Variants in ZNF71 observed in about 807,000 individuals in gnomAD.
ZNF71 encodes the protein endothelial zinc finger protein induced by tumor necrosis factor alpha.
In ZNF71, 3 loss-of-function variants were observed where a neutral mutation model predicts 6.7. That is an observed-to-expected ratio of 0.45 (90% CI 0.20 to 1.16). ZNF71 has a LOEUF of 1.16. ZNF71 is among the 50% of genes most tolerant of loss of function. The probability of loss-of-function intolerance (pLI) is 0.25; values close to 1 mark genes in which losing one functional copy is unlikely to be tolerated. For synonymous variants in ZNF71, 343 were observed against 311.1 expected, an observed-to-expected ratio of 1.10 and a Z score of -1.08; for missense variants, 688 against 728.6, an observed-to-expected ratio of 0.94 and a Z score of 0.64.
Position 56,622,800 on chromosome 19 carries a change from C to A in ZNF71, c.*43C>A. 6.5e-7 allele frequency: 1 copy of A among 1,548,698 alleles called. No individual in the cohort carries two copies. The highest frequency in any genetic ancestry group is 1.2e-5 in the South Asian group (1 of 80,454). On this transcript the variant is annotated 3_prime_UTR_variant, in exon 4 of 4. Transcript: ENST00000599599. Reference sequence around the variant, plus strand: ...TCTCACTGGCGGTGCCCAGGACGGACGCCAGATGGCTGCGCGCTTTGTCAG... The same window carrying A: ...TCTCACTGGCGGTGCCCAGGACGGAAGCCAGATGGCTGCGCGCTTTGTCAG...
intron 2 of ZNF71, among the ~76,000 whole-genome samples, chr19:56,608,205 C>T (rs988002356): frequency 2.0e-5 from 3 of 152,206 alleles, no homozygotes; most frequent in Admixed American, 2.0e-4. Flanking sequence ...TAATGTGCAG[C>T]GCCACCACCA....
At chr19:56,616,470 C>T (rs1283934855) in intron 3 of ZNF71, among the ~76,000 whole-genome samples, 3 of 152,188 alleles carry the variant, frequency 2.0e-5, no homozygotes, top group African/African-American at 7.2e-5. Flanking sequence ...ATGACATTCT[C>T]CTCAAGATCA....
At position 56,613,415 on chromosome 19, in the gene ZNF71, C is replaced by T. The variant is rs543101189; in HGVS notation, c.34-397C>T. Among the ~76,000 whole-genome samples the T allele has an allele frequency of 6.6e-6, 1 of 152,330 alleles. No individual in the cohort carries two copies. Among genetic ancestry groups the T allele is most frequent in the East Asian group, 1.9e-4 (1 of 5,176 alleles). ...AACATTTTGTGTCTGTATCCCAGCA[C>T]TGGGCTTGCTGCCTGGTGCTTAGTA... On this transcript the variant is annotated intron_variant, in intron 2 of 3. Transcript: ENST00000599599. The surrounding 1 kb of genome is among the most constrained non-coding windows in gnomAD (Gnocchi z 4.6).
intron 3 of ZNF71, among the ~76,000 whole-genome samples, chr19:56,619,382 G>A (rs10414483): frequency 0.72 from 108,763 of 151,564 alleles, 39,388 homozygotes; most frequent in East Asian, 0.99. Context: ...CGACCTCCAG[G>A]TACCGCAGAT....
intron 3 of ZNF71, among the ~76,000 whole-genome samples, chr19:56,619,491 AGTCT>A (rs1424768948): frequency 6.6e-6 from 1 of 152,224 alleles, no homozygotes; most frequent in Non-Finnish European, 1.5e-5. Context: ...TCATGGGGAA[AGTCT>A]GAAATCCCAA....
At chr19:56,600,092 G>GTT (rs1568503280) in intron 1 of ZNF71, among the ~76,000 whole-genome samples, 11 of 112,958 alleles carry the variant, frequency 9.7e-5, no homozygotes, top group African/African-American at 4.2e-4. Context: ...TTTTTTTGGG[G>GTT]TTTGTTTTTT....
Position 56,613,789 on chromosome 19 carries a change from C to T in ZNF71, c.34-23C>T, listed in dbSNP as rs893561769. 3.4e-5 allele frequency: 37 copies of T among 1,085,176 alleles called. No homozygotes were observed. Among genetic ancestry groups the T allele is most frequent in the East Asian group, 3.0e-4 (4 of 13,312 alleles). 67.2% of individuals were successfully genotyped at this position (1,085,176 alleles called of 1,614,324 possible). A position where few individuals can be genotyped will look rare whatever the true frequency, so the allele number is the denominator to read the frequency against. The stretch of plus-strand genomic sequence containing the variant: ...TCTGTAAGGAGGGCCCTGCGATGAG[C>T]GGATGTGGGTTTCCTCTTACAGGAA... On this transcript the variant is annotated intron_variant, in intron 2 of 3. Coordinates refer to ENST00000599599, the MANE Select transcript of ZNF71 (RefSeq NM_001370215.1). This position sits in a 1 kb window ranked among gnomAD's most constrained non-coding sequence, Gnocchi z 4.6.
rs2044860631 is a variant in ZNF71 at position 56,622,179 on chromosome 19, T to G, written c.1072T>G (p.Tyr358Asp). ...HQRTHTGEKP[Y>D]ACKECGKAFN... is the part of the protein sequence containing the mutation. Reference sequence around the variant, plus strand: ...GCGCACGCACACCGGGGAGAAGCCGTACGCCTGCAAGGAGTGCGGCAAGGC... The same window carrying G: ...GCGCACGCACACCGGGGAGAAGCCGGACGCCTGCAAGGAGTGCGGCAAGGC... Residue 358 changes from tyrosine (Y) to aspartate (D), a missense_variant, in exon 4 of 4, where the codon TAC (tyrosine) becomes GAC (aspartate). By Grantham distance (160) the Tyr-to-Asp change is radical (BLOSUM62 -3). Coordinates refer to ENST00000599599, the MANE Select transcript of ZNF71 (RefSeq NM_001370215.1). The G allele has an allele frequency of 6.2e-7, 1 of 1,613,670 alleles. No homozygotes were observed. The highest frequency in any genetic ancestry group is 1.3e-5 in the African/African-American group (1 of 74,826).
At chr19:56,597,588 C>T (rs983984771) in intron 1 of ZNF71, among the ~76,000 whole-genome samples, 3 of 152,244 alleles carry the variant, frequency 2.0e-5, no homozygotes, top group Admixed American at 1.3e-4. Flanking sequence ...TTGCTTTTCT[C>T]ACTTAGTGAA....
chr19:56,621,484 A>C lies in ZNF71; in HGVS notation c.377A>C (p.Lys126Thr). Reference sequence around the variant, plus strand: ...CCATTGGGAATTCCCCAGGGGAACAAACTCTTAGGGGGCTCAGTACCCGCA... The same window carrying C: ...CCATTGGGAATTCCCCAGGGGAACACACTCTTAGGGGGCTCAGTACCCGCA... ...WEPLGIPQGN[K>T]LLGGSVPACH... Residue 126 changes from lysine (K) to threonine (T), a missense_variant, in exon 4 of 4, where the codon AAA becomes ACA. Transcript: ENST00000599599. 4 of 1,614,026 alleles carry C rather than the reference A, an allele frequency of 2.5e-6. No homozygotes were observed. Among genetic ancestry groups the C allele is most frequent in the Non-Finnish European group, 3.4e-6 (4 of 1,179,974 alleles).
chr19:56,609,313 T>C (rs1317705626), intron 2 of ZNF71, among the ~76,000 whole-genome samples: 1 of 152,142 alleles, frequency 6.6e-6, no homozygotes, highest in Non-Finnish European at 1.5e-5. Context: ...GTAAAATCCA[T>C]CCATATAAAG....
At position 56,622,983 on chromosome 19, in the gene ZNF71, A is replaced by G. The variant is rs1172094538; in HGVS notation, c.*226A>G. 1.8e-5 allele frequency: 11 copies of G among 615,742 alleles called. No individual in the cohort carries two copies. The highest frequency in any genetic ancestry group is 2.9e-5 in the Non-Finnish European group (10 of 350,042). 38.1% of individuals were successfully genotyped at this position (615,742 alleles called of 1,614,324 possible). A position where few individuals can be genotyped will look rare whatever the true frequency, so the allele number is the denominator to read the frequency against. ...GTCTGACGTATCTGGGGACACTTCA[A>G]GGTTCACTGTAGCTGAGCCATGGCC... On this transcript the variant is annotated 3_prime_UTR_variant, in exon 4 of 4. Coordinates refer to ENST00000599599, the MANE Select transcript of ZNF71 (RefSeq NM_001370215.1).
rs1057373885 is a variant in ZNF71, at chr19:56,603,635, A to C, written c.33+2044A>C. On this transcript the variant is annotated intron_variant, in intron 2 of 3. Transcript: ENST00000599599. The surrounding 1 kb of genome is among the most constrained non-coding windows in gnomAD (Gnocchi z 4.6). ...ACTCTGTTGAACCAGTAAAGGAACCACCAGACTGTTTTCCTAAGCGATTGC... is the reference window on the plus strand; with the variant it reads ...ACTCTGTTGAACCAGTAAAGGAACCCCCAGACTGTTTTCCTAAGCGATTGC... Among the ~76,000 whole-genome samples the C allele has an allele frequency of 6.6e-6, 1 of 152,200 alleles. No individual in the cohort carries two copies. The highest frequency in any genetic ancestry group is 1.5e-5 in the Non-Finnish European group (1 of 68,030).
In ZNF71 at chr19:56,613,828, G is replaced by A; in HGVS notation, c.50G>A (p.Arg17Lys). The A allele has an allele frequency of 8.9e-7, 1 of 1,118,988 alleles. No individual in the cohort carries two copies. Among genetic ancestry groups the A allele is most frequent in the South Asian group, 2.8e-5 (1 of 35,612 alleles). The allele number at this position is 1,118,988 out of a possible 1,614,324, so 69.3% of individuals were successfully genotyped here. ...TDEALESVTF[R>K]DVTVDFTQEE... ...CTCTTACAGGAATCAGTGACGTTCA[G>A]GGATGTGACTGTGGACTTCACCCAG... Residue 17 changes from arginine to lysine, a missense_variant, in exon 3 of 4, where the codon AGG (arginine) becomes AAG (lysine). Coordinates refer to ENST00000599599, the MANE Select transcript of ZNF71 (RefSeq NM_001370215.1). The surrounding 1 kb of genome is among the most constrained non-coding windows in gnomAD (Gnocchi z 4.6).
chr19:56,623,068 G>T lies in ZNF71; in HGVS notation c.*311G>T. The T allele has an allele frequency of 2.5e-6, 1 of 395,580 alleles. No individual in the cohort carries two copies. The highest frequency in any genetic ancestry group is 4.7e-6 in the Non-Finnish European group (1 of 211,442). The allele number at this position is 395,580 out of a possible 1,614,324, so 24.5% of individuals were successfully genotyped here. A position where few individuals can be genotyped will look rare whatever the true frequency, so the allele number is the denominator to read the frequency against. ...TCTTGAGTAACTGTCCTAGAGCTGGGACAGGTCACGCCTGCCTCCACATCT... is the reference window on the plus strand; with the variant it reads ...TCTTGAGTAACTGTCCTAGAGCTGGTACAGGTCACGCCTGCCTCCACATCT... On this transcript the variant is annotated 3_prime_UTR_variant, in exon 4 of 4. Coordinates refer to ENST00000599599, the MANE Select transcript of ZNF71 (RefSeq NM_001370215.1).
In ZNF71 at chr19:56,613,926, C is replaced by G; in HGVS notation, c.148C>G (p.Leu50Val). 9.3e-7 allele frequency: 1 copy of G among 1,073,368 alleles called. No homozygotes were observed. Among genetic ancestry groups the G allele is most frequent in the Non-Finnish European group, 1.2e-6 (1 of 868,094 alleles). The allele number at this position is 1,073,368 out of a possible 1,614,324, so 66.5% of individuals were successfully genotyped here. The change falls in exon 3 of 4, where the codon CTG becomes GTG. Residue 50 changes from leucine to valine, a missense_variant. Coordinates refer to ENST00000599599, the MANE Select transcript of ZNF71 (RefSeq NM_001370215.1). This position sits in a 1 kb window ranked among gnomAD's most constrained non-coding sequence, Gnocchi z 4.6. Reference protein sequence around the residue: ...RDVMLENYRNLVSLDWETRPE... With the variant: ...RDVMLENYRNVVSLDWETRPE... Reference sequence around the variant, plus strand: ...TGTCATGCTGGAGAACTACAGGAACCTGGTCTCACTGGGTAAGGGGCAGCT... The same window carrying G: ...TGTCATGCTGGAGAACTACAGGAACGTGGTCTCACTGGGTAAGGGGCAGCT...
intron 2 of ZNF71, among the ~76,000 whole-genome samples, chr19:56,606,743 G>A (rs1376343799): frequency 6.6e-6 from 1 of 152,012 alleles, no homozygotes; most frequent in East Asian, 1.9e-4. Flanking sequence ...TGTGAGTAAT[G>A]AGACATAATG....
At chr19:56,599,707 T>C (rs555403810) in intron 1 of ZNF71, among the ~76,000 whole-genome samples, 7 of 151,558 alleles carry the variant, frequency 4.6e-5, no homozygotes, top group Middle Eastern at 3.4e-3. Flanking sequence ...TTTTTTTTTT[T>C]TTTTGAGATG....
At position 56,617,113 on chromosome 19, in the gene ZNF71, T is replaced by TTTTTG. The variant is rs2044800584; in HGVS notation, c.160+3179_160+3180insGTTTT. On this transcript the variant is annotated intron_variant, in intron 3 of 3. Coordinates refer to ENST00000599599, the MANE Select transcript of ZNF71 (RefSeq NM_001370215.1). ...TACAGGAGACTTCCATTTTCTTTTGTTTTTTTTTGTTTTTTTTGAGACAGT... is the reference window on the plus strand; with the variant it reads ...TACAGGAGACTTCCATTTTCTTTTGTTTTTGTTTTTTTTGTTTTTTTTGAGACAGT... Among the ~76,000 whole-genome samples, 7 of 93,178 alleles carry TTTTTG rather than the reference T, an allele frequency of 7.5e-5. No homozygotes were observed. The South Asian group carries it at 2.7e-3, about 36-fold the overall frequency. 61.1% of individuals were successfully genotyped at this position (93,178 alleles called of 152,430 possible).
Sources: allele counts gnomAD v4.1 joint callset (sites outside exome capture counted in the v4.1 genomes callset), GRCh38; gene constraint gnomAD v4.1.1; non-coding constraint Gnocchi (gnomAD v3.1); transcripts MANE v1.5; gene names NCBI Gene and HGNC (gene_info 2026-07-23, HGNC 2026-07-21).